Variants in NFIB observed in about 807,000 individuals in gnomAD.
NFIB encodes nuclear factor I B.
Under a neutral mutation model 61.5 loss-of-function variants are expected in NFIB, and 11 were observed. The ratio of observed to expected loss-of-function variants is 0.18; its 90% CI spans 0.11 to 0.30. The LOEUF (loss-of-function observed/expected upper bound fraction) is 0.30. Among genes scored for constraint, NFIB ranks in the 10% least tolerant of loss-of-function variants. The pLI is 1.00. For missense variants in NFIB, 471 were observed against 608.9 expected, an observed-to-expected ratio of 0.77 and a Z score of 2.38; for synonymous variants, 260 against 216.5, an observed-to-expected ratio of 1.20 and a Z score of -1.76.
intron 10 of NFIB, among the ~76,000 whole-genome samples, chr9:14,097,637 C>T (rs1335078694): frequency 6.6e-6 from 1 of 152,100 alleles, no homozygotes; most frequent in Non-Finnish European, 1.5e-5. Flanking sequence ...TACACACACA[C>T]ATATAGATGC....
intron 2 of NFIB, among the ~76,000 whole-genome samples, chr9:14,265,490 T>C (rs1170416398): frequency 6.6e-6 from 1 of 152,228 alleles, no homozygotes; most frequent in African/African-American, 2.4e-5. Flanking sequence ...GGCTGCCATC[T>C]ATAAGCCAAG....
chr9:14,486,508 C>A, the NFIB span, among the ~76,000 whole-genome samples: 6 of 152,264 alleles, frequency 3.9e-5, no homozygotes, highest in African/African-American at 1.2e-4. Context: ...AAAATGCAAA[C>A]GGAAGTACCT....
At chr9:14,368,441 G>T (rs1047067336) in intron 1 of NFIB, among the ~76,000 whole-genome samples, 1 of 152,186 alleles carries the variant, frequency 6.6e-6, no homozygotes, top group Non-Finnish European at 1.5e-5. Flanking sequence ...CAAAAATGAT[G>T]TGAGGTAGGA....
At chr9:14,236,347 G>A (rs1338013729) in intron 2 of NFIB, among the ~76,000 whole-genome samples, 2 of 152,128 alleles carry the variant, frequency 1.3e-5, no homozygotes, top group Admixed American at 1.3e-4. Flanking sequence ...TCATCATAGT[G>A]GTCAGTAATC....
chr9:14,463,616 G>T, the NFIB span, among the ~76,000 whole-genome samples: 1 of 149,624 alleles, frequency 6.7e-6, no homozygotes, highest in Non-Finnish European at 1.5e-5. Context: ...TGGGATGTAA[G>T]ATGCTATTCG....
chr9:14,222,158 T>C (rs1043221040), intron 2 of NFIB, among the ~76,000 whole-genome samples: 10 of 152,218 alleles, frequency 6.6e-5, no homozygotes, highest in African/African-American at 2.4e-4. Context: ...AGTTCATCTT[T>C]CCAAAACACT....
At chr9:14,129,306 A>G (rs2040096252) in intron 6 of NFIB, among the ~76,000 whole-genome samples, 1 of 151,792 alleles carries the variant, frequency 6.6e-6, no homozygotes, top group South Asian at 2.1e-4. Context: ...TTCTTGGCCC[A>G]TTAATAAAAA....
intron 1 of NFIB, among the ~76,000 whole-genome samples, chr9:14,379,467 T>C (rs759104863): frequency 2.4e-4 from 36 of 152,188 alleles, no homozygotes; most frequent in Non-Finnish European, 4.4e-5. Flanking sequence ...AAGATCCGAA[T>C]GCAGGTGAAA....
chr9:14,448,733 G>A, the NFIB span, among the ~76,000 whole-genome samples: 1 of 152,126 alleles, frequency 6.6e-6, no homozygotes, highest in Admixed American at 6.5e-5. Context: ...AGCTGTGTAC[G>A]GTGGTAACAG....
the NFIB span, among the ~76,000 whole-genome samples, chr9:14,453,151 T>C: frequency 2.8e-4 from 43 of 152,358 alleles, no homozygotes; most frequent in African/African-American, 9.9e-4. Context: ...TAAAGGACAC[T>C]TGGTCTTCTC....
chr9:14,481,769 A>G, the NFIB span, among the ~76,000 whole-genome samples: 1 of 152,114 alleles, frequency 6.6e-6, no homozygotes, highest in Non-Finnish European at 1.5e-5. Context: ...GCAGGAAGGA[A>G]CCTGAGACCT....
chr9:14,106,919 ATAAACCAT>A (rs1187182273), intron 10 of NFIB, among the ~76,000 whole-genome samples: 1 of 152,134 alleles, frequency 6.6e-6, no homozygotes, highest in Non-Finnish European at 1.5e-5. Context: ...AACTGAACCA[ATAAACCAT>A]TAAACTGTGA....
intron 2 of NFIB, among the ~76,000 whole-genome samples, chr9:14,225,358 G>C (rs993121615): frequency 1.3e-4 from 19 of 150,434 alleles, no homozygotes; most frequent in African/African-American, 4.6e-4. Context: ...TTGGGAGGCT[G>C]AGGCAGGAGA....
chr9:14,326,366 A>T (rs1462666566), intron 1 of NFIB, among the ~76,000 whole-genome samples: 1 of 152,226 alleles, frequency 6.6e-6, no homozygotes, highest in Middle Eastern at 3.2e-3. Flanking sequence ...TCTGCAGTGG[A>T]GTTGAAACAC....
chr9:14,277,677 C>T (rs2058092846), intron 2 of NFIB, among the ~76,000 whole-genome samples: 1 of 152,090 alleles, frequency 6.6e-6, no homozygotes, highest in Non-Finnish European at 1.5e-5. Flanking sequence ...TTCAGATGTC[C>T]TCTGCAGATA....
upstream of NFIB, among the ~76,000 whole-genome samples, chr9:14,400,468 G>A (rs114292180): frequency 0.014 from 2,154 of 152,064 alleles, 53 homozygotes; most frequent in African/African-American, 0.048. Context: ...ACTTTGGATT[G>A]TTGAGGCATC....
chr9:14,331,492 T>C (rs2060819968), intron 1 of NFIB, among the ~76,000 whole-genome samples: 1 of 152,192 alleles, frequency 6.6e-6, no homozygotes, highest in Non-Finnish European at 1.5e-5. Flanking sequence ...CCTTTGAGTG[T>C]GGATTTAAGT....
intron 10 of NFIB, among the ~76,000 whole-genome samples, chr9:14,106,127 C>T (rs1266602645): frequency 6.6e-6 from 1 of 151,800 alleles, no homozygotes; most frequent in African/African-American, 2.4e-5. Flanking sequence ...GCTTTTTTCT[C>T]CCAATAGTAA....
In NFIB at chr9:14,087,755, C is replaced by A. The variant is rs980629332; in HGVS notation, c.*554G>T. ...TGCTTATAAAATGGCTGGCTCATGG[C>A]TCTGTCACCCAGCACCTCTGACGCC... On this transcript the variant is annotated 3_prime_UTR_variant, in exon 11 of 11. Transcript: ENST00000380953. 7.7e-5 allele frequency: 17 copies of A among 219,466 alleles called. No homozygotes were observed. The highest frequency in any genetic ancestry group is 3.8e-4 in the African/African-American group (17 of 44,494). 13.6% of individuals were successfully genotyped at this position (219,466 alleles called of 1,614,324 possible). A position where few individuals can be genotyped will look rare whatever the true frequency, so the allele number is the denominator to read the frequency against.
Sources: gnomAD v4.1 joint callset for allele counts (sites outside exome capture counted in the v4.1 genomes callset) on GRCh38, gnomAD v4.1.1 for gene constraint, MANE v1.5 for transcripts, NCBI Gene and HGNC (gene_info 2026-07-23, HGNC 2026-07-21) for gene names.